Variants in TEF observed in about 807,000 individuals in gnomAD.
TEF encodes thyrotroph embryonic factor.
Under a neutral mutation model 20.8 loss-of-function variants are expected in TEF, and 3 were observed. The observed-to-expected ratio is 0.14, with a 90% CI of 0.07 to 0.37. The LOEUF is 0.37. TEF is among the 10% of genes least tolerant of loss of function. TEF has a pLI of 1.00. For missense variants in TEF, 296 were observed against 397.9 expected, an observed-to-expected ratio of 0.74 and a Z score of 2.18; for synonymous variants, 180 against 171.1, an observed-to-expected ratio of 1.05 and a Z score of -0.41.
Position 41,387,434 on chromosome 22 carries a change from C to A in TEF, c.241C>A (p.Pro81Thr). Residue 81 changes from proline to threonine, a missense_variant, in exon 2 of 4, where the codon CCC becomes ACC. Physicochemically the swap from Pro to Thr is conservative, Grantham distance 38. Coordinates refer to ENST00000266304, the MANE Select transcript of TEF (RefSeq NM_003216.4). The part of the protein sequence containing the change: ...TMAVSASLMP[P>T]IWDKTIPYDG... ...GGCTGTCTCAGCCTCCCTCATGCCACCCATCTGGGACAAGACCATCCCATA... is the reference window on the plus strand; with the variant it reads ...GGCTGTCTCAGCCTCCCTCATGCCAACCATCTGGGACAAGACCATCCCATA... 6.2e-7 allele frequency: 1 copy of A among 1,614,222 alleles called. No homozygotes were observed.
upstream of TEF, chr22:41,381,902 G>A: frequency 1.6e-6 from 2 of 1,226,340 alleles, no homozygotes; most frequent in South Asian, 4.3e-5. Context: ...CGCAGGCGGG[G>A]TAGCGATGGA....
rs1569256492 is a variant in TEF, at chr22:41,387,341, G to T, written c.158-10G>T. ...TGTGTGGTATTTCATCGCAGATTTT[G>T]TTTCTGCAGATAAGGAAAAGGGGAA... On this transcript the variant is annotated splice_polypyrimidine_tract_variant and intron_variant, in intron 1 of 3. Coordinates refer to ENST00000266304, the MANE Select transcript of TEF (RefSeq NM_003216.4). 3 of 1,613,842 alleles carry T rather than the reference G, an allele frequency of 1.9e-6. No homozygotes were observed. The highest frequency in any genetic ancestry group is 2.5e-6 in the Non-Finnish European group (3 of 1,179,778).
chr22:41,373,615 G>A (rs1350837276), intron 1 of TEF, among the ~76,000 whole-genome samples: 2 of 151,792 alleles, frequency 1.3e-5, no homozygotes, highest in African/African-American at 2.4e-5. Context: ...GATTATGGGC[G>A]CCCACCACCA....
At chr22:41,391,651 TCTCA>T (rs2037168066) in intron 2 of TEF, among the ~76,000 whole-genome samples, 1 of 134,180 alleles carries the variant, frequency 7.5e-6, no homozygotes, top group Non-Finnish European at 1.6e-5. Flanking sequence ...TGAGAGGGAG[TCTCA>T]CTCTGTCGCC....
intron 1 of TEF, 161 bp from the exon 2 acceptor site, chr22:41,387,190 A>G: frequency 1.3e-6 from 1 of 790,264 alleles, no homozygotes; most frequent in Non-Finnish European, 2.0e-6. Context: ...GCCTGGTTCA[A>G]GTGCGAGATT....
At chr22:41,382,674 C>T (rs1473670185) in intron 1 of TEF, among the ~76,000 whole-genome samples, 4 of 152,076 alleles carry the variant, frequency 2.6e-5, no homozygotes, top group Non-Finnish European at 4.4e-5. Flanking sequence ...TGTCATCGTA[C>T]GTGGCCTTAC....
At chr22:41,369,310 C>T in intron 1 of TEF, 1 of 947,938 alleles carries the variant, frequency 1.1e-6, no homozygotes, top group Non-Finnish European at 1.3e-6. Context: ...AGGGGACCGC[C>T]CAAGGTTTCA....
At chr22:41,384,745 TG>T (rs2037075555) in intron 1 of TEF, among the ~76,000 whole-genome samples, 1 of 152,172 alleles carries the variant, frequency 6.6e-6, no homozygotes, top group East Asian at 1.9e-4. Context: ...CCAGGAACAC[TG>T]TAAAGACACT....
intron 1 of TEF, among the ~76,000 whole-genome samples, chr22:41,370,444 ACT>A (rs1348999724): frequency 1.2e-5 from 1 of 86,684 alleles, no homozygotes; most frequent in Non-Finnish European, 2.2e-5. Context: ...CCAGTGTCTC[ACT>A]CTGTTGCCCA....
intron 2 of TEF, among the ~76,000 whole-genome samples, chr22:41,393,891 G>A (rs1569258319): frequency 6.6e-6 from 1 of 152,060 alleles, no homozygotes; most frequent in Non-Finnish European, 1.5e-5. Context: ...TTCTGTTCCT[G>A]AAGGAAAGAA....
At chr22:41,382,497 C>G (rs1329647233) in intron 1 of TEF, among the ~76,000 whole-genome samples, 1 of 152,098 alleles carries the variant, frequency 6.6e-6, no homozygotes, top group African/African-American at 2.4e-5. Context: ...CCGGGGCCAC[C>G]TGCATCGGAG....
At chr22:41,387,283 C>G (rs1286146008) in intron 1 of TEF, 68 bp from the exon 2 acceptor site, 2 of 1,549,356 alleles carry the variant, frequency 1.3e-6, no homozygotes, top group African/African-American at 2.7e-5. Context: ...CTGTGAGGCT[C>G]ACTGCCCACT....
chr22:41,383,940 A>G (rs2037064933), intron 1 of TEF, among the ~76,000 whole-genome samples: 1 of 152,224 alleles, frequency 6.6e-6, no homozygotes, highest in Admixed American at 6.5e-5. Flanking sequence ...CACCCAGCCC[A>G]CCAAGGCTTG....
chr22:41,379,295 G>A (rs1182203680), upstream of TEF, among the ~76,000 whole-genome samples: 2 of 152,020 alleles, frequency 1.3e-5, no homozygotes, highest in Admixed American at 6.5e-5. Context: ...CCGAGATCCC[G>A]CCATTTGCAC....
At chr22:41,369,393 G>A (rs926176543) in intron 1 of TEF, among the ~76,000 whole-genome samples, 2 of 152,244 alleles carry the variant, frequency 1.3e-5, no homozygotes, top group African/African-American at 4.8e-5. Context: ...GCAGGTCCAA[G>A]GGGTGTGGGC....
At chr22:41,377,985 C>T (rs911994539), upstream of TEF, among the ~76,000 whole-genome samples, 1 of 152,146 alleles carries the variant, frequency 6.6e-6, no homozygotes. Flanking sequence ...CCATCTTTCT[C>T]ATAAACACGT....
intron 1 of TEF, among the ~76,000 whole-genome samples, chr22:41,385,467 C>A (rs1217527160): frequency 6.6e-6 from 1 of 152,082 alleles, no homozygotes; most frequent in Non-Finnish European, 1.5e-5. Flanking sequence ...TGGCTAAGGT[C>A]ACACATCAAA....
intron 2 of TEF, among the ~76,000 whole-genome samples, chr22:41,390,967 A>G (rs909086110): frequency 2.6e-5 from 4 of 152,018 alleles, no homozygotes; most frequent in Non-Finnish European, 4.4e-5. Context: ...GCTGAAGGGC[A>G]CCCAGGCATG....
At chr22:41,372,002 C>T (rs56837759) in intron 1 of TEF, among the ~76,000 whole-genome samples, 3,295 of 152,202 alleles carry the variant, frequency 0.022, 98 homozygotes, top group African/African-American at 0.071. Context: ...GTGAAGGGCC[C>T]TGTGTTTGCC....
Sources: gnomAD v4.1 joint callset for allele counts (sites outside exome capture counted in the v4.1 genomes callset) on GRCh38, gnomAD v4.1.1 for gene constraint, MANE v1.5 for transcripts, NCBI Gene and HGNC (gene_info 2026-07-23, HGNC 2026-07-21) for gene names.